The following RPIA variants were observed in gnomAD, a reference collection of about 807,000 sequenced individuals.
RPIA encodes ribose-5-phosphate isomerase.
RPIA carries 29 observed loss-of-function variants against 37.8 expected under a neutral mutation model. The ratio of observed to expected loss-of-function variants is 0.77; its 90% CI spans 0.57 to 1.05. The LOEUF (loss-of-function observed/expected upper bound fraction) is 1.05. Ranked by LOEUF, RPIA falls within the 50% of genes least tolerant of loss-of-function variation. RPIA has a pLI of 0.00. For missense variants in RPIA, 385 were observed against 413.6 expected (o/e 0.93, Z 0.60); for synonymous variants, 167 against 157.0 (o/e 1.06, Z -0.48).
At chr2:88,713,122 T>TATATATATA (rs60868319) in intron 3 of RPIA, among the ~76,000 whole-genome samples, 13 of 42,592 alleles carry the variant, frequency 3.1e-4, no homozygotes, top group African/African-American at 1.1e-3. Flanking sequence ...ATATATATAT[T>TATATATATA]TTTTTTTTTT....
intron 8 of RPIA, among the ~76,000 whole-genome samples, chr2:88,743,392 G>A (rs996530972): frequency 4.6e-5 from 7 of 152,128 alleles, no homozygotes; most frequent in African/African-American, 1.2e-4. Flanking sequence ...AAACGCACTC[G>A]ATCATGGTGT....
intron 3 of RPIA, among the ~76,000 whole-genome samples, chr2:88,728,724 C>T (rs544181676): frequency 6.6e-6 from 1 of 152,346 alleles, no homozygotes; most frequent in East Asian, 1.9e-4. Flanking sequence ...GACTTTCTCA[C>T]AAACATCCTA....
At chr2:88,703,588 T>C (rs932399164) in intron 3 of RPIA, among the ~76,000 whole-genome samples, 1 of 152,206 alleles carries the variant, frequency 6.6e-6, no homozygotes, top group Non-Finnish European at 1.5e-5. Flanking sequence ...ATCAAGTCCC[T>C]AGGCTGCACA....
At chr2:88,725,225 C>T (rs1380639208) in intron 3 of RPIA, among the ~76,000 whole-genome samples, 3 of 152,124 alleles carry the variant, frequency 2.0e-5, no homozygotes, top group Admixed American at 2.0e-4. Flanking sequence ...CAGTGGAGCA[C>T]CAGAGGCTGC....
At chr2:88,735,286 C>T (rs1573476232) in intron 5 of RPIA, among the ~76,000 whole-genome samples, 1 of 152,212 alleles carries the variant, frequency 6.6e-6, no homozygotes, top group African/African-American at 2.4e-5. Context: ...CTCTCCACTT[C>T]ATCACCCTCA....
chr2:88,741,099 ATGT>A (rs1199550806), intron 8 of RPIA, among the ~76,000 whole-genome samples: 2 of 151,918 alleles, frequency 1.3e-5, no homozygotes, highest in Non-Finnish European at 2.9e-5. Flanking sequence ...GAAACAGGTG[ATGT>A]TTGGCTACAT....
intron 1 of RPIA, among the ~76,000 whole-genome samples, chr2:88,696,500 G>GC (rs1226481083): frequency 1.3e-5 from 2 of 151,214 alleles, no homozygotes; most frequent in African/African-American, 4.9e-5. Flanking sequence ...GTGTGTGTGT[G>GC]GGGGGGCATT....
intron 3 of RPIA, among the ~76,000 whole-genome samples, chr2:88,721,573 C>CACACA (rs1558694806): frequency 4.2e-5 from 1 of 23,804 alleles, no homozygotes; most frequent in Admixed American, 4.1e-4. Flanking sequence ...ACACACACAC[C>CACACA]CCCCCCCCCA....
At chr2:88,703,714 C>T (rs1350677928) in intron 3 of RPIA, among the ~76,000 whole-genome samples, 1 of 152,208 alleles carries the variant, frequency 6.6e-6, no homozygotes, top group Non-Finnish European at 1.5e-5. Flanking sequence ...ACATTTTCCC[C>T]ACTGTCTTGG....
intron 3 of RPIA, among the ~76,000 whole-genome samples, chr2:88,711,496 A>G (rs988886886): frequency 5.3e-5 from 8 of 152,218 alleles, no homozygotes; most frequent in Non-Finnish European, 1.2e-4. Context: ...TTGGGTGAAG[A>G]TAAGGGGTTA....
chr2:88,691,837 GCA>G lies in RPIA; in HGVS notation c.142_143del (p.Gln48ValfsTer49). 1.3e-6 allele frequency: 2 copies of G among 1,598,980 alleles called. No individual in the cohort carries two copies. The highest frequency in any genetic ancestry group is 1.7e-6 in the Non-Finnish European group (2 of 1,174,408). ...PGSHVRLPGRAQSGTRGGAGN... is the reference protein window; with the variant it reads ...PGSHVRLPGRXQSGTRGGAGN... ...TTCCCACGTGCGGCTGCCGGGGCGT[GCA>G]CAGTCTGGGACCCGTGGCGGTGCTG... On this transcript the variant is annotated frameshift_variant, in exon 1 of 9. Coordinates refer to ENST00000283646, the MANE Select transcript of RPIA (RefSeq NM_144563.3). LOFTEE classifies it high-confidence loss of function.
At chr2:88,697,243 A>G (rs1573458805) in intron 1 of RPIA, among the ~76,000 whole-genome samples, 1 of 152,288 alleles carries the variant, frequency 6.6e-6, no homozygotes, top group East Asian at 1.9e-4. Flanking sequence ...GCTCATTTCA[A>G]AGTCTTAAGT....
At chr2:88,733,774 T>C (rs2104130329) in intron 4 of RPIA, among the ~76,000 whole-genome samples, 1 of 152,352 alleles carries the variant, frequency 6.6e-6, no homozygotes, top group East Asian at 1.9e-4. Flanking sequence ...TTGCTGTCTT[T>C]AAAAATATAC....
intron 7 of RPIA, 138 bp from the exon 8 acceptor site, chr2:88,737,839 C>A (rs1189181918): frequency 4.4e-6 from 3 of 681,986 alleles, no homozygotes; most frequent in Non-Finnish European, 8.1e-6. Flanking sequence ...CTTATTACCA[C>A]TTCACAGCAC....
chr2:88,705,162 A>G (rs911024876), intron 3 of RPIA, among the ~76,000 whole-genome samples: 1 of 152,202 alleles, frequency 6.6e-6, no homozygotes, highest in African/African-American at 2.4e-5. Flanking sequence ...TATAAATTCA[A>G]TGCTATTCCC....
At chr2:88,701,161 C>T (rs1672827035) in intron 3 of RPIA, among the ~76,000 whole-genome samples, 1 of 151,822 alleles carries the variant, frequency 6.6e-6, no homozygotes, top group Non-Finnish European at 1.5e-5. Flanking sequence ...ACTGTTGGAG[C>T]TTCCTTGATG....
intron 8 of RPIA, 37 bp downstream of exon 8, chr2:88,738,113 C>G: frequency 6.9e-7 from 1 of 1,451,590 alleles, no homozygotes; most frequent in African/African-American, 1.4e-5. Flanking sequence ...TATACACACC[C>G]ATGGCCTTCA....
At chr2:88,711,025 T>C (rs1345955465) in intron 3 of RPIA, among the ~76,000 whole-genome samples, 1 of 152,192 alleles carries the variant, frequency 6.6e-6, no homozygotes, top group Non-Finnish European at 1.5e-5. Flanking sequence ...AACTTAAGTG[T>C]TTTCCTGTTG....
Position 88,729,146 on chromosome 2 carries a change from C to T in RPIA, c.403-132C>T, listed in dbSNP as rs376980753. On this transcript the variant is annotated intron_variant, in intron 3 of 8. Transcript: ENST00000283646. ...ATTCATGGGGCTAGATCTCCTACCT[C>T]ATGGTGGGCCATGCTGGGCTTTGGG... is the stretch of plus-strand genomic sequence containing the variant. The T allele has an allele frequency of 5.0e-4, 449 of 890,234 alleles. 5 individuals are homozygous for T. The South Asian group carries it at 6.0e-3, about 12-fold the overall frequency. 55.1% of individuals were successfully genotyped at this position (890,234 alleles called of 1,614,324 possible).
Sources: gnomAD v4.1 joint callset for allele counts (sites outside exome capture counted in the v4.1 genomes callset) on GRCh38, gnomAD v4.1.1 for gene constraint, MANE v1.5 for transcripts, NCBI Gene and HGNC (gene_info 2026-07-23, HGNC 2026-07-21) for gene names.